Variants in FRMPD1 observed in about 807,000 individuals in gnomAD.
FRMPD1 encodes FERM and PDZ domain-containing protein 1.
A neutral mutation model predicts 117.8 loss-of-function variants in FRMPD1; 76 were observed. The observed-to-expected ratio is 0.65, with a 90% CI of 0.54 to 0.78. The LOEUF (loss-of-function observed/expected upper bound fraction) is 0.78. Among genes scored for constraint, FRMPD1 ranks in the 30% least tolerant of loss-of-function variants. The pLI, the probability that FRMPD1 is intolerant of heterozygous loss-of-function variation, is 0.00. For synonymous variants in FRMPD1, 783 were observed against 770.4 expected (o/e 1.02, Z -0.27); for missense variants, 1,786 against 1,964.5 (o/e 0.91, Z 1.72).
chr9:37,737,157 A>G lies in FRMPD1; in HGVS notation c.1463A>G (p.Tyr488Cys). ...AKDLACLIAG[Y>C]YRLLVDPVTS... ...GACCTAGCCTGCCTGATTGCTGGGT[A>G]CTACAGGCTGTTGGTTGACCCAGTT... The change falls in exon 14 of 16, where the codon TAC (tyrosine) becomes TGC (cysteine). Residue 488 changes from tyrosine (Y) to cysteine (C), a missense_variant. Tyr to Cys is a radical substitution (Grantham distance 194). Transcript: ENST00000377765. 1 of 1,611,656 alleles carries G rather than the reference A, an allele frequency of 6.2e-7. No homozygotes were observed. Among genetic ancestry groups the G allele is most frequent in the Non-Finnish European group, 8.5e-7 (1 of 1,177,700 alleles).
chr9:37,742,638 C>T (rs1015188748), intron 15 of FRMPD1, among the ~76,000 whole-genome samples: 2 of 152,210 alleles, frequency 1.3e-5, no homozygotes, highest in Non-Finnish European at 2.9e-5. Flanking sequence ...GTGGTTCACA[C>T]TTGTAATCCC....
At chr9:37,736,531 C>CA (rs57388208) in intron 13 of FRMPD1, among the ~76,000 whole-genome samples, 1,983 of 88,458 alleles carry the variant, frequency 0.022, 23 homozygotes, top group Middle Eastern at 0.032. Context: ...AACTCTGTCT[C>CA]AAAAAAAAAA....
At chr9:37,743,212 G>C (rs1449687350) in intron 15 of FRMPD1, among the ~76,000 whole-genome samples, 1 of 145,836 alleles carries the variant, frequency 6.9e-6, no homozygotes, top group Non-Finnish European at 1.5e-5. Flanking sequence ...ATTCAGACAT[G>C]AAATGGCAAT....
intron 1 of FRMPD1, among the ~76,000 whole-genome samples, chr9:37,673,410 C>G (rs1047819886): frequency 7.2e-5 from 11 of 152,218 alleles, no homozygotes; most frequent in African/African-American, 2.7e-4. Context: ...CAGGGTACAG[C>G]CTCCCTCCCA....
the FRMPD1 span, among the ~76,000 whole-genome samples, chr9:37,628,875 A>C: frequency 4.6e-5 from 7 of 152,196 alleles, no homozygotes; most frequent in African/African-American, 1.4e-4. Flanking sequence ...AACCAGCAAC[A>C]TCACCATTAT....
intron 9 of FRMPD1, among the ~76,000 whole-genome samples, 160 bp from the exon 10 acceptor site, chr9:37,732,144 T>C (rs1430338297): frequency 6.6e-6 from 1 of 152,208 alleles, no homozygotes; most frequent in Non-Finnish European, 1.5e-5. Flanking sequence ...CACCAAATGC[T>C]TGGAGAGTCT....
At chr9:37,637,026 C>T in the FRMPD1 span, 7 of 1,548,202 alleles carry the variant, frequency 4.5e-6, no homozygotes, top group African/African-American at 4.1e-5. Context: ...TGGTCAGTGA[C>T]GTCATATACC....
intron 1 of FRMPD1, among the ~76,000 whole-genome samples, chr9:37,685,789 C>G (rs1008634986): frequency 4.6e-5 from 7 of 152,168 alleles, no homozygotes; most frequent in Non-Finnish European, 8.8e-5. Flanking sequence ...TTGAAGTGCT[C>G]TCTAGTTTTA....
chr9:37,627,875 A>C, the FRMPD1 span, among the ~76,000 whole-genome samples: 2 of 151,962 alleles, frequency 1.3e-5, no homozygotes, highest in East Asian at 3.9e-4. Flanking sequence ...GGGGAAAATG[A>C]GAGGTCCTTA....
At chr9:37,687,112 T>A (rs1027827298) in intron 1 of FRMPD1, among the ~76,000 whole-genome samples, 2 of 152,170 alleles carry the variant, frequency 1.3e-5, no homozygotes, top group African/African-American at 4.8e-5. Context: ...TTATGCAGGC[T>A]CCCCTGGAAT....
rs762581870 is a variant in FRMPD1, at chr9:37,745,161, G to C, written c.3129G>C (p.Glu1043Asp). 1 of 1,614,072 alleles carries C rather than the reference G, an allele frequency of 6.2e-7. No homozygotes were observed. The highest frequency in any genetic ancestry group is 8.5e-7 in the Non-Finnish European group (1 of 1,180,032). The change falls in exon 16 of 16, where the codon GAG becomes GAC. Residue 1043 changes from glutamate to aspartate, a missense_variant. Coordinates refer to ENST00000377765, the MANE Select transcript of FRMPD1 (RefSeq NM_014907.3). Reference protein sequence around the residue: ...LNNVSQGDTLELQLEPHVQLE... With the variant: ...LNNVSQGDTLDLQLEPHVQLE... ...ATGTCTCTCAAGGAGACACACTAGA[G>C]CTCCAGTTGGAGCCCCATGTCCAGT...
chr9:37,689,316 G>A (rs1050714428), intron 1 of FRMPD1, among the ~76,000 whole-genome samples: 4 of 152,032 alleles, frequency 2.6e-5, no homozygotes, highest in Non-Finnish European at 5.9e-5. Flanking sequence ...GTTGAGCCAA[G>A]CAGTGAACTA....
At chr9:37,692,519 C>G (rs2118028761) in intron 1 of FRMPD1, 119 bp from the exon 2 acceptor site, 1 of 728,050 alleles carries the variant, frequency 1.4e-6, no homozygotes, top group Non-Finnish European at 2.4e-6. Context: ...AGGGAGAACA[C>G]TAGTTATTCG....
chr9:37,638,199 G>A, the FRMPD1 span, among the ~76,000 whole-genome samples: 9 of 151,580 alleles, frequency 5.9e-5, no homozygotes, highest in South Asian at 2.1e-4. Context: ...TCAGCCTCCC[G>A]AGTAGCTGGG....
At chr9:37,629,218 A>G in the FRMPD1 span, among the ~76,000 whole-genome samples, 1 of 152,132 alleles carries the variant, frequency 6.6e-6, no homozygotes, top group Non-Finnish European at 1.5e-5. Flanking sequence ...AAGAAATTCT[A>G]CTACATCAGA....
At chr9:37,637,131 T>C in the FRMPD1 span, 1 of 1,607,764 alleles carries the variant, frequency 6.2e-7, no homozygotes, top group Non-Finnish European at 8.5e-7. Flanking sequence ...TTGATAGTTT[T>C]GCCATCCAGC....
the FRMPD1 span, among the ~76,000 whole-genome samples, chr9:37,615,261 C>T: frequency 6.6e-6 from 1 of 152,082 alleles, no homozygotes; most frequent in East Asian, 1.9e-4. Flanking sequence ...CACAGGCATA[C>T]CATGCCTGGC....
At chr9:37,723,352 C>T (rs1431764016) in intron 6 of FRMPD1, among the ~76,000 whole-genome samples, 3 of 152,184 alleles carry the variant, frequency 2.0e-5, no homozygotes, top group Non-Finnish European at 4.4e-5. Context: ...TCAGTACGCT[C>T]GTAGAAGGGC....
At chr9:37,625,063 C>T in the FRMPD1 span, among the ~76,000 whole-genome samples, 2 of 152,178 alleles carry the variant, frequency 1.3e-5, no homozygotes, top group African/African-American at 4.8e-5. Flanking sequence ...TTCAGATATT[C>T]TTGGAGTGAG....
Sources: allele counts gnomAD v4.1 joint callset (sites outside exome capture counted in the v4.1 genomes callset), GRCh38; gene constraint gnomAD v4.1.1; transcripts MANE v1.5; gene names NCBI Gene and HGNC (gene_info 2026-07-23, HGNC 2026-07-21).